Variants in XRRA1 observed in about 807,000 individuals in gnomAD.
The protein encoded by XRRA1 is X-ray radiation resistance associated 1.
Under a neutral mutation model 80.2 loss-of-function variants are expected in XRRA1, and 69 were observed. The observed-to-expected ratio is 0.86, with a 90% CI of 0.71 to 1.05. XRRA1 has a LOEUF of 1.05. Ranked by LOEUF, XRRA1 falls within the 50% of genes least tolerant of loss-of-function variation. XRRA1 has a pLI of 0.00. For synonymous variants in XRRA1, 348 were observed against 389.9 expected, an observed-to-expected ratio of 0.89 and a Z score of 1.27; for missense variants, 967 against 976.4, an observed-to-expected ratio of 0.99 and a Z score of 0.13.
chr11:74,882,704 CTGTT>C (rs1372841964), intron 10 of XRRA1, among the ~76,000 whole-genome samples: 1 of 151,674 alleles, frequency 6.6e-6, no homozygotes, highest in African/African-American at 2.4e-5. Flanking sequence ...GATGTCCTTT[CTGTT>C]TGTTAGTTTT....
intron 11 of XRRA1, among the ~76,000 whole-genome samples, chr11:74,860,948 A>G (rs187091953): frequency 7.3e-4 from 111 of 152,340 alleles, no homozygotes; most frequent in Middle Eastern, 3.4e-3. Flanking sequence ...AAGACTAACC[A>G]TGTGACTAGA....
At chr11:74,909,308 AACTTTCAT>A (rs2055340316) in intron 8 of XRRA1, among the ~76,000 whole-genome samples, 1 of 152,220 alleles carries the variant, frequency 6.6e-6, no homozygotes, top group Non-Finnish European at 1.5e-5. Flanking sequence ...TGGAAGGACC[AACTTTCAT>A]ACATTGAATT....
At chr11:74,869,151 C>T (rs1363487258) in intron 10 of XRRA1, among the ~76,000 whole-genome samples, 2 of 152,146 alleles carry the variant, frequency 1.3e-5, no homozygotes, top group African/African-American at 4.8e-5. Context: ...ACTAACCACA[C>T]TCTTGGAGCA....
intron 10 of XRRA1, among the ~76,000 whole-genome samples, chr11:74,877,244 G>A (rs577760722): frequency 1.4e-4 from 21 of 152,240 alleles, no homozygotes; most frequent in African/African-American, 5.1e-4. Context: ...ATAAAAGATA[G>A]CCCAGGCCTA....
rs757297893 is a variant in XRRA1 at position 74,921,282 on chromosome 11, G to A, written c.588C>T (p.His196=). ...EAICDLGILP[H]LRVLLLTGNG... is the part of the protein sequence containing the mutation. ...TGCCTGTGAGGAGCAGGACACGGAG[G>A]TGTGGCAGAATCCCCAAATCACAGA... The change falls in exon 8 of 19, where the codon CAC becomes CAT. Residue 196 remains histidine (H), a synonymous_variant. Coordinates refer to ENST00000684022, the MANE Select transcript of XRRA1 (RefSeq NM_001378157.1). 3 of 1,613,914 alleles carry A rather than the reference G, an allele frequency of 1.9e-6. No homozygotes were observed. Among genetic ancestry groups the A allele is most frequent in the South Asian group, 2.2e-5 (2 of 91,090 alleles).
At chr11:74,932,839 A>C (rs890900542) in intron 5 of XRRA1, among the ~76,000 whole-genome samples, 1 of 152,224 alleles carries the variant, frequency 6.6e-6, no homozygotes, top group African/African-American at 2.4e-5. Flanking sequence ...AATGAAGTGA[A>C]GCAGAACCCT....
At chr11:74,946,897 G>A (rs905132346) in intron 1 of XRRA1, among the ~76,000 whole-genome samples, 8 of 151,990 alleles carry the variant, frequency 5.3e-5, no homozygotes, top group Non-Finnish European at 8.8e-5. Flanking sequence ...GACTACAGGC[G>A]CCCGCCACCA....
intron 15 of XRRA1, among the ~76,000 whole-genome samples, chr11:74,847,574 C>T (rs369919815): frequency 2.0e-5 from 3 of 152,198 alleles, no homozygotes; most frequent in East Asian, 3.8e-4. Context: ...CTGTAAATCT[C>T]AGCTCAGTTG....
intron 3 of XRRA1, among the ~76,000 whole-genome samples, chr11:74,939,389 C>A (rs549426589): frequency 7.7e-4 from 118 of 152,288 alleles, no homozygotes; most frequent in African/African-American, 2.6e-3. Context: ...TTTCCCCCCA[C>A]ATATTTACAT....
Position 74,933,795 on chromosome 11 carries a change from C to G in XRRA1, c.351+6G>C. On this transcript the variant is annotated splice_donor_region_variant and intron_variant, in intron 5 of 18. Transcript: ENST00000684022. ...CCCCAATCACATCTTTGCTGGCTGA[C>G]CTCACCTTGGAGAACTTCAGGCCAC... 2 of 1,583,916 alleles carry G rather than the reference C, an allele frequency of 1.3e-6. No individual in the cohort carries two copies. Among genetic ancestry groups the G allele is most frequent in the South Asian group, 2.3e-5 (2 of 86,070 alleles).
At chr11:74,851,921 G>A (rs1591570247) in intron 13 of XRRA1, 68 bp downstream of exon 13, 1 of 1,323,492 alleles carries the variant, frequency 7.6e-7, no homozygotes, top group Non-Finnish European at 1.1e-6. Flanking sequence ...TTGATGAGGT[G>A]GGGATGAGGG....
At chr11:74,874,003 C>T (rs1182269907) in intron 10 of XRRA1, among the ~76,000 whole-genome samples, 6 of 151,734 alleles carry the variant, frequency 4.0e-5, no homozygotes, top group East Asian at 3.9e-4. Flanking sequence ...TTTGGGAGGC[C>T]GAGGTGGGCG....
chr11:74,909,663 C>T (rs1591320737), intron 8 of XRRA1, among the ~76,000 whole-genome samples: 1 of 152,144 alleles, frequency 6.6e-6, no homozygotes, highest in Non-Finnish European at 1.5e-5. Flanking sequence ...GCTTTCCCAC[C>T]GAGCCCCTCC....
Position 74,927,488 on chromosome 11 carries a change from T to C in XRRA1, c.425A>G (p.Glu142Gly). 1 of 1,600,076 alleles carries C rather than the reference T, an allele frequency of 6.2e-7. No homozygotes were observed. The highest frequency in any genetic ancestry group is 1.1e-5 in the South Asian group (1 of 90,704). Residue 142 changes from glutamate to glycine, a missense_variant and splice_region_variant, in exon 7 of 19, where the codon GAG becomes GGG. Coordinates refer to ENST00000684022, the MANE Select transcript of XRRA1 (RefSeq NM_001378157.1). ...TAGGGCTGGAAACGTGTGAAATGCC[T>C]CTACATGGGGAAGAGAAAGAGAGAG... ...INASENLLPL[E>G]AFHTFPALKE...
intron 10 of XRRA1, among the ~76,000 whole-genome samples, chr11:74,903,251 C>A (rs1158330203): frequency 2.0e-5 from 3 of 152,182 alleles, no homozygotes; most frequent in African/African-American, 7.2e-5. Flanking sequence ...CAGGAAAACC[C>A]TGGCACAGTG....
At position 74,933,892 on chromosome 11, in the gene XRRA1, GT is replaced by G. The variant is rs1374446665; in HGVS notation, c.280-21del. On this transcript the variant is annotated intron_variant, in intron 4 of 18. Transcript: ENST00000684022. The stretch of plus-strand genomic sequence containing the variant: ...CTTCAGCTGGAACATAATACAAAGA[GT>G]TGTCTCTTAAGGCCCCTACAAAGTT... 1.3e-6 allele frequency: 2 copies of G among 1,594,126 alleles called. No individual in the cohort carries two copies. Among genetic ancestry groups the G allele is most frequent in the Admixed American group, 3.5e-5 (2 of 57,252 alleles).
intron 8 of XRRA1, among the ~76,000 whole-genome samples, chr11:74,909,131 G>T (rs2055299458): frequency 6.6e-6 from 1 of 152,142 alleles, no homozygotes; most frequent in Admixed American, 6.5e-5. Context: ...GATTATGACA[G>T]TTCTGACTGG....
intron 10 of XRRA1, among the ~76,000 whole-genome samples, chr11:74,866,806 AAGG>A (rs1407136600): frequency 1.3e-5 from 2 of 152,150 alleles, no homozygotes; most frequent in Admixed American, 6.5e-5. Context: ...GAGGAGAAAA[AAGG>A]AAGAAGAATG....
chr11:74,845,229 C>CT lies in XRRA1; in HGVS notation c.1770dup (p.Glu591ArgfsTer37). On this transcript the variant is annotated frameshift_variant, in exon 16 of 19. Transcript: ENST00000684022. LOFTEE classifies it high-confidence loss of function. ...TTCTTTTGGTCTTTCTCCTTTAACT[C>CT]TAAATCATCCTTATGGATGACGGAG... The CT allele has an allele frequency of 6.2e-7, 1 of 1,613,982 alleles. No individual in the cohort carries two copies. The highest frequency in any genetic ancestry group is 8.5e-7 in the Non-Finnish European group (1 of 1,179,864).
Sources: gnomAD v4.1 joint callset for allele counts (sites outside exome capture counted in the v4.1 genomes callset) on GRCh38, gnomAD v4.1.1 for gene constraint, MANE v1.5 for transcripts, NCBI Gene and HGNC (gene_info 2026-07-23, HGNC 2026-07-21) for gene names.